Variants in MLYCD observed in about 807,000 individuals in gnomAD.
MLYCD encodes malonyl-CoA decarboxylase, also known as malonyl-CoA decarboxylase, mitochondrial.
In MLYCD, 27 loss-of-function variants were observed where a neutral mutation model predicts 35.8. That is an observed-to-expected ratio of 0.75 (90% CI 0.56 to 1.04). The LOEUF (loss-of-function observed/expected upper bound fraction) is 1.04, where lower values mean the gene tolerates loss of function less well. Ranked by LOEUF, MLYCD falls within the 50% of genes least tolerant of loss-of-function variation. The pLI is 0.00. For synonymous variants in MLYCD, 403 were observed against 302.4 expected, an observed-to-expected ratio of 1.33 and a Z score of -3.45; for missense variants, 917 against 665.1, an observed-to-expected ratio of 1.38 and a Z score of -4.17.
chr16:83,906,596 G>A (rs565143887), intron 1 of MLYCD, among the ~76,000 whole-genome samples: 3 of 152,320 alleles, frequency 2.0e-5, no homozygotes, highest in Non-Finnish European at 2.9e-5. Context: ...GGACAGTGCT[G>A]TTGACACCCT....
intron 3 of MLYCD, among the ~76,000 whole-genome samples, chr16:83,911,398 G>A (rs535653508): frequency 1.3e-5 from 2 of 152,354 alleles, no homozygotes; most frequent in Admixed American, 1.3e-4. Context: ...AGTTAAAATA[G>A]TTTAAATGGG....
At position 83,923,091 on chromosome 16, in the gene MLYCD, C is replaced by A. The variant is rs1177536766; in HGVS notation, c.*7602C>A. On this transcript the variant is annotated 3_prime_UTR_variant, in exon 5 of 5. Transcript: ENST00000262430. ...TCTCTCTGTGTCTTTCTCTTTCTAC[C>A]CTCTCCATCCCTCCTTCCCTCTGAG... is the stretch of plus-strand genomic sequence containing the variant. The A allele has an allele frequency of 1.3e-5, 2 of 152,246 alleles. No individual in the cohort carries two copies. Among genetic ancestry groups the A allele is most frequent in the African/African-American group, 4.8e-5 (2 of 41,432 alleles). 9.4% of individuals were successfully genotyped at this position (152,246 alleles called of 1,614,324 possible). A position where few individuals can be genotyped will look rare whatever the true frequency, so the allele number is the denominator to read the frequency against.
Position 83,919,414 on chromosome 16 carries a change from A to T in MLYCD, c.*3925A>T, listed in dbSNP as rs991914949. On this transcript the variant is annotated 3_prime_UTR_variant, in exon 5 of 5. Coordinates refer to ENST00000262430, the MANE Select transcript of MLYCD (RefSeq NM_012213.3). ...AGGAGAACACACACTGCACAGAACA[A>T]ATGCACAGCACACAGGAGAACATGC... 2 of 146,824 alleles carry T rather than the reference A, an allele frequency of 1.4e-5. No individual in the cohort carries two copies. The highest frequency in any genetic ancestry group is 3.0e-5 in the Non-Finnish European group (2 of 67,148). 9.1% of individuals were successfully genotyped at this position (146,824 alleles called of 1,614,324 possible). A position where few individuals can be genotyped will look rare whatever the true frequency, so the allele number is the denominator to read the frequency against.
In MLYCD at chr16:83,918,587, A is replaced by C. The variant is rs1463308160; in HGVS notation, c.*3098A>C. On this transcript the variant is annotated 3_prime_UTR_variant, in exon 5 of 5. Transcript: ENST00000262430. ...ACGGTGCACAGAACACACACAGTGCACAGGAGAACACGCACAGTGCACAGG... is the reference window on the plus strand; with the variant it reads ...ACGGTGCACAGAACACACACAGTGCCCAGGAGAACACGCACAGTGCACAGG... 1.4e-5 allele frequency: 2 copies of C among 147,210 alleles called. No homozygotes were observed. The highest frequency in any genetic ancestry group is 4.2e-4 in the East Asian group (2 of 4,718). 9.1% of individuals were successfully genotyped at this position (147,210 alleles called of 1,614,324 possible).
intron 2 of MLYCD, among the ~76,000 whole-genome samples, 161 bp from the exon 3 acceptor site, chr16:83,907,965 C>T (rs1453929788): frequency 6.6e-6 from 1 of 152,172 alleles, no homozygotes; most frequent in Non-Finnish European, 1.5e-5. Context: ...TCAGTGGGTG[C>T]TGTTTCTCAT....
chr16:83,907,050 G>C lies in MLYCD; in HGVS notation c.592G>C (p.Glu198Gln), dbSNP rs201780465. The C allele has an allele frequency of 6.2e-7, 1 of 1,614,216 alleles. No homozygotes were observed. The highest frequency in any genetic ancestry group is 8.5e-7 in the Non-Finnish European group (1 of 1,180,042). The change falls in exon 2 of 5, where the codon GAA becomes CAA. Residue 198 changes from glutamate to glutamine, a missense_variant. Coordinates refer to ENST00000262430, the MANE Select transcript of MLYCD (RefSeq NM_012213.3). The part of the protein sequence containing the change: ...EWFSSGFLNL[E>Q]RVTWHSPCEV... The stretch of plus-strand genomic sequence containing the variant: ...GTTTTCCTCCGGGTTCCTGAACCTA[G>C]AACGGGTTACCTGGCATTCACCGTG...
chr16:83,907,233 C>A, intron 2 of MLYCD, 134 bp downstream of exon 2: 1 of 811,650 alleles, frequency 1.2e-6, no homozygotes, highest in Non-Finnish European at 2.0e-6. Flanking sequence ...AATCCAAACA[C>A]AGTATTTGCA....
At position 83,915,668 on chromosome 16, in the gene MLYCD, A is replaced by G; in HGVS notation, c.*179A>G. 1 of 1,494,044 alleles carries G rather than the reference A, an allele frequency of 6.7e-7. No homozygotes were observed. Among genetic ancestry groups the G allele is most frequent in the Non-Finnish European group, 8.9e-7 (1 of 1,124,950 alleles). 92.5% of individuals were successfully genotyped at this position (1,494,044 alleles called of 1,614,324 possible). A position where few individuals can be genotyped will look rare whatever the true frequency, so the allele number is the denominator to read the frequency against. ...CAACTTCCCTCACCCTGGGCGTGAC[A>G]TGCACCCAGTGCAAGACGGTTGTGG... On this transcript the variant is annotated 3_prime_UTR_variant, in exon 5 of 5. Transcript: ENST00000262430.
rs1431903850 is a variant in MLYCD at position 83,914,920 on chromosome 16, C to G, written c.949-36C>G. The G allele has an allele frequency of 5.0e-6, 8 of 1,613,938 alleles. No individual in the cohort carries two copies. The Admixed American group carries it at 1.2e-4, about 24-fold the overall frequency. Reference sequence around the variant, plus strand: ...AACGTACCTGCTGAATTTGTGTTTTCTCCGCCTTCCTTTCCACCCCAACCA... The same window carrying G: ...AACGTACCTGCTGAATTTGTGTTTTGTCCGCCTTCCTTTCCACCCCAACCA... On this transcript the variant is annotated intron_variant, in intron 4 of 4. Coordinates refer to ENST00000262430, the MANE Select transcript of MLYCD (RefSeq NM_012213.3).
intron 4 of MLYCD, chr16:83,914,438 C>A: frequency 5.0e-6 from 1 of 201,192 alleles, no homozygotes; most frequent in Non-Finnish European, 1.0e-5. Context: ...AAAGACAAGG[C>A]CTGCAGTGAG....
chr16:83,912,069 C>A (rs1483088054), intron 3 of MLYCD, 149 bp from the exon 4 acceptor site: 3 of 1,139,950 alleles, frequency 2.6e-6, no homozygotes, highest in Non-Finnish European at 3.9e-6. Flanking sequence ...AGCTTTTAGG[C>A]TCTGTAGCCT....
intron 4 of MLYCD, chr16:83,912,751 C>A (rs1209810376): frequency 2.1e-5 from 7 of 339,632 alleles, no homozygotes; most frequent in African/African-American, 1.5e-4. Flanking sequence ...GTCATCCTGC[C>A]ACGCCTGTCC....
At chr16:83,909,401 C>T (rs9923422) in intron 3 of MLYCD, among the ~76,000 whole-genome samples, 457 of 152,244 alleles carry the variant, frequency 3.0e-3, no homozygotes, top group African/African-American at 0.01. Flanking sequence ...CATCAGATAT[C>T]TGTGCATGTA....
chr16:83,916,205 C>T lies in MLYCD; in HGVS notation c.*716C>T. The T allele has an allele frequency of 2.0e-6, 2 of 987,578 alleles. No individual in the cohort carries two copies. The highest frequency in any genetic ancestry group is 2.4e-6 in the Non-Finnish European group (2 of 830,266). The allele number at this position is 987,578 out of a possible 1,614,324, so 61.2% of individuals were successfully genotyped here. A position where few individuals can be genotyped will look rare whatever the true frequency, so the allele number is the denominator to read the frequency against. On this transcript the variant is annotated 3_prime_UTR_variant, in exon 5 of 5. Transcript: ENST00000262430. ...GAACATCTGATTGTGTAGTGGTGGT[C>T]GTCTTTAAGATTAGAGACCTGGGAA...
chr16:83,906,385 C>T lies in MLYCD; in HGVS notation c.529-602C>T, dbSNP rs143708467. On this transcript the variant is annotated intron_variant, in intron 1 of 4. Transcript: ENST00000262430. ...CAGCCTGGGTGACCGAGTGAGACCC[C>T]GTCTCTTAAAACAAAAATGCTGCCA... 3.5e-3 allele frequency among the ~76,000 whole-genome samples: 525 copies of T among 152,172 alleles called. 3 individuals are homozygous for T. The highest frequency in any genetic ancestry group is 0.012 in the African/African-American group (508 of 41,500).
intron 1 of MLYCD, 43 bp from the exon 2 acceptor site, chr16:83,906,944 C>A (rs780681979): frequency 2.0e-6 from 3 of 1,514,564 alleles, no homozygotes; most frequent in South Asian, 1.1e-5. Context: ...TGGGCTTGAT[C>A]TGTCGCACAT....
At position 83,925,970 on chromosome 16, in the gene MLYCD, G is replaced by C. The variant is rs1225048344; in HGVS notation, c.*10481G>C. The C allele has an allele frequency of 1.3e-5, 2 of 152,302 alleles. No individual in the cohort carries two copies. Among genetic ancestry groups the C allele is most frequent in the African/African-American group, 2.4e-5 (1 of 41,460 alleles). 9.4% of individuals were successfully genotyped at this position (152,302 alleles called of 1,614,324 possible). On this transcript the variant is annotated 3_prime_UTR_variant, in exon 5 of 5. Transcript: ENST00000262430. ...CTAGACTAGACGCTCTCTGAGGGCAGGGACCCTGCTTCGCTTCTGGCCCGA... is the reference window on the plus strand; with the variant it reads ...CTAGACTAGACGCTCTCTGAGGGCACGGACCCTGCTTCGCTTCTGGCCCGA...
At chr16:83,902,358 A>AT (rs1906826558) in intron 1 of MLYCD, among the ~76,000 whole-genome samples, 2 of 150,618 alleles carry the variant, frequency 1.3e-5, no homozygotes, top group African/African-American at 4.9e-5. Flanking sequence ...CCCAGATGTA[A>AT]TTTTTTTAAA....
In MLYCD at chr16:83,921,648, C is replaced by T. The variant is rs368755904; in HGVS notation, c.*6159C>T. The T allele has an allele frequency of 6.6e-5, 10 of 152,192 alleles. No homozygotes were observed. Among genetic ancestry groups the T allele is most frequent in the East Asian group, 1.9e-4 (1 of 5,178 alleles). 9.4% of individuals were successfully genotyped at this position (152,192 alleles called of 1,614,324 possible). On this transcript the variant is annotated 3_prime_UTR_variant, in exon 5 of 5. Coordinates refer to ENST00000262430, the MANE Select transcript of MLYCD (RefSeq NM_012213.3). ...TGATACTGCACTGAACCAATATTCC[C>T]CTCACTTCATGGGTGTTACAAACCT...
Sources: gnomAD v4.1 joint callset for allele counts (sites outside exome capture counted in the v4.1 genomes callset) on GRCh38, gnomAD v4.1.1 for gene constraint, MANE v1.5 for transcripts, NCBI Gene and HGNC (gene_info 2026-07-23, HGNC 2026-07-21) for gene names.